Variants in RANBP2 observed in about 807,000 individuals in gnomAD.
RANBP2 encodes the protein RAN binding protein 2.
In RANBP2, 57 loss-of-function variants were observed where a neutral mutation model predicts 303.6. The observed-to-expected ratio is 0.19, with a 90% confidence interval of 0.15 to 0.23. The LOEUF is 0.23. RANBP2 is among the 10% of genes least tolerant of loss of function. The pLI is 1.00. For synonymous variants in RANBP2, 1,167 were observed against 1,301.5 expected (o/e 0.90, Z 2.23); for missense variants, 3,138 against 3,780.8 (o/e 0.83, Z 4.46).
chr2:109,360,790 C>A, the RANBP2 span, among the ~76,000 whole-genome samples: 4 of 152,186 alleles, frequency 2.6e-5, no homozygotes, highest in Non-Finnish European at 4.4e-5. Flanking sequence ...TCTTCCCTCC[C>A]AATCTGTACA....
the RANBP2 span, among the ~76,000 whole-genome samples, chr2:109,412,338 G>A: frequency 6.6e-6 from 1 of 152,212 alleles, no homozygotes; most frequent in Non-Finnish European, 1.5e-5. Context: ...GCCGGGGCAG[G>A]CTTCAGGCAG....
chr2:109,660,375 T>A, the RANBP2 span, among the ~76,000 whole-genome samples: 3 of 152,212 alleles, frequency 2.0e-5, no homozygotes, highest in East Asian at 5.8e-4. Context: ...TAACCAGTTC[T>A]CTTGAGCCAC....
the RANBP2 span, among the ~76,000 whole-genome samples, chr2:108,976,800 TTTCTTTTTC>T: frequency 6.6e-6 from 1 of 152,188 alleles, no homozygotes; most frequent in Non-Finnish European, 1.5e-5. Context: ...ACCATTTTTT[TTTCTTTTTC>T]TTCTTTTTCT....
At chr2:108,804,587 T>C in the RANBP2 span, among the ~76,000 whole-genome samples, 1 of 152,204 alleles carries the variant, frequency 6.6e-6, no homozygotes, top group Non-Finnish European at 1.5e-5. Context: ...AGAAAATATT[T>C]CCATGAGTTT....
chr2:109,206,172 C>T, the RANBP2 span, among the ~76,000 whole-genome samples: 1 of 152,092 alleles, frequency 6.6e-6, no homozygotes, highest in African/African-American at 2.4e-5. Context: ...GGACACAGCA[C>T]TATATTTTTA....
the RANBP2 span, among the ~76,000 whole-genome samples, chr2:109,728,591 G>T: frequency 6.6e-6 from 1 of 151,154 alleles, no homozygotes; most frequent in Non-Finnish European, 1.5e-5. Flanking sequence ...GAGTAGCAGG[G>T]ATTACAGGTG....
At chr2:109,645,037 C>T in the RANBP2 span, among the ~76,000 whole-genome samples, 1 of 152,202 alleles carries the variant, frequency 6.6e-6, no homozygotes, top group African/African-American at 2.4e-5. Flanking sequence ...CTGTGTGGCC[C>T]CCAGCAACTA....
At chr2:109,078,931 C>A in the RANBP2 span, among the ~76,000 whole-genome samples, 1 of 151,796 alleles carries the variant, frequency 6.6e-6, no homozygotes, top group South Asian at 2.1e-4. Flanking sequence ...GCGGAGCTTG[C>A]AGTGAGCCGA....
intron 18 of RANBP2, among the ~76,000 whole-genome samples, 186 bp from the exon 19 acceptor site, chr2:108,761,915 G>GT (rs1200149036): frequency 3.3e-5 from 5 of 151,936 alleles, no homozygotes; most frequent in Admixed American, 6.6e-5. Context: ...ATATTTAGCA[G>GT]TTTTTTTCTA....
the RANBP2 span, among the ~76,000 whole-genome samples, chr2:108,911,321 A>G: frequency 6.6e-6 from 1 of 152,068 alleles, no homozygotes; most frequent in Non-Finnish European, 1.5e-5. Flanking sequence ...GGGTCACCTG[A>G]TTGTTCCTAG....
chr2:109,522,139 G>A, the RANBP2 span, among the ~76,000 whole-genome samples: 4 of 152,176 alleles, frequency 2.6e-5, 1 homozygote, highest in Admixed American at 2.0e-4. Flanking sequence ...TACCAGTTGA[G>A]ATCAGTCCAA....
the RANBP2 span, among the ~76,000 whole-genome samples, chr2:109,721,949 G>A: frequency 1.1e-4 from 17 of 152,250 alleles, no homozygotes; most frequent in Non-Finnish European, 2.4e-4. Context: ...TGTGCAGCCA[G>A]CTGGCTCATT....
chr2:108,873,977 A>T, the RANBP2 span, among the ~76,000 whole-genome samples: 57 of 152,278 alleles, frequency 3.7e-4, no homozygotes, highest in Non-Finnish European at 6.0e-4. Flanking sequence ...CTGATCTAAG[A>T]CCACATATTT....
the RANBP2 span, among the ~76,000 whole-genome samples, chr2:108,936,061 C>G: frequency 6.6e-6 from 1 of 152,250 alleles, no homozygotes; most frequent in South Asian, 2.1e-4. Flanking sequence ...GAAGCAGAGT[C>G]ACTGCCTCGG....
chr2:109,251,917 T>C, the RANBP2 span, among the ~76,000 whole-genome samples: 6 of 152,138 alleles, frequency 3.9e-5, no homozygotes, highest in African/African-American at 1.2e-4. Flanking sequence ...CTTATGTTCT[T>C]AAATCGGCAA....
chr2:108,726,985 G>T (rs1173695920), intron 1 of RANBP2, among the ~76,000 whole-genome samples: 2 of 152,338 alleles, frequency 1.3e-5, no homozygotes, highest in African/African-American at 2.4e-5. Context: ...CAAGGCAGAA[G>T]AATTTTTCTT....
chr2:109,277,605 C>T, the RANBP2 span, among the ~76,000 whole-genome samples: 22 of 152,294 alleles, frequency 1.4e-4, no homozygotes, highest in Non-Finnish European at 2.9e-4. Context: ...TGCACTCCTC[C>T]GCGTGCGTAG....
At chr2:108,769,671 A>G (rs1316287670) in intron 20 of RANBP2, among the ~76,000 whole-genome samples, 2 of 152,144 alleles carry the variant, frequency 1.3e-5, no homozygotes, top group African/African-American at 4.8e-5. Flanking sequence ...CGGCATGTAT[A>G]CAATATGGAA....
the RANBP2 span, among the ~76,000 whole-genome samples, chr2:109,550,297 C>CAAA: frequency 1.3e-5 from 2 of 148,564 alleles, no homozygotes; most frequent in Non-Finnish European, 3.0e-5. Context: ...TCTCAAAAAA[C>CAAA]AAAAAAAAAG....
Sources: allele counts gnomAD v4.1 joint callset (sites outside exome capture counted in the v4.1 genomes callset), GRCh38; gene constraint gnomAD v4.1.1; transcripts MANE v1.5; gene names NCBI Gene and HGNC (gene_info 2026-07-23, HGNC 2026-07-21).